Variants in MBD5 observed in about 807,000 individuals in gnomAD.
MBD5 encodes the protein methyl-CpG binding domain protein 5.
Under a neutral mutation model 117.3 loss-of-function variants are expected in MBD5, and 13 were observed. The observed-to-expected ratio is 0.11, with a 90% CI of 0.07 to 0.18. MBD5 has a LOEUF of 0.18. MBD5 is among the 10% of genes least tolerant of loss of function. The probability of loss-of-function intolerance (pLI) is 1.00; values close to 1 mark genes in which losing one functional copy is unlikely to be tolerated. For synonymous variants in MBD5, 727 were observed against 766.4 expected (o/e 0.95, Z 0.85); for missense variants, 1,879 against 2,093.8 (o/e 0.90, Z 2.00).
chr2:148,283,686 T>C (rs545869529), intron 3 of MBD5, among the ~76,000 whole-genome samples: 2 of 152,252 alleles, frequency 1.3e-5, no homozygotes, highest in East Asian at 3.9e-4. Context: ...CCCAATACAG[T>C]TTTCTCCTCC....
intron 4 of MBD5, among the ~76,000 whole-genome samples, chr2:148,379,038 T>G (rs936536283): frequency 6.6e-6 from 1 of 152,152 alleles, no homozygotes; most frequent in African/African-American, 2.4e-5. Context: ...TGTGAAATTC[T>G]GAGACTAGTA....
intron 2 of MBD5, among the ~76,000 whole-genome samples, chr2:148,216,177 A>G (rs1467735193): frequency 1.3e-5 from 2 of 152,190 alleles, no homozygotes; most frequent in Non-Finnish European, 2.9e-5. Context: ...AGTGGAGCCA[A>G]TGATAGAAAT....
At chr2:148,288,667 C>T (rs1701425454) in intron 3 of MBD5, among the ~76,000 whole-genome samples, 1 of 151,612 alleles carries the variant, frequency 6.6e-6, no homozygotes, top group Admixed American at 6.6e-5. Context: ...GAACCATAGG[C>T]GCAATTAACT....
chr2:148,340,837 TACACACAC>T (rs141965837), intron 3 of MBD5, among the ~76,000 whole-genome samples: 153 of 142,554 alleles, frequency 1.1e-3, no homozygotes, highest in South Asian at 2.3e-3. Context: ...AAACCACACA[TACACACAC>T]ACACACACAC....
chr2:148,229,597 A>G (rs958455284), intron 2 of MBD5, among the ~76,000 whole-genome samples: 2 of 152,156 alleles, frequency 1.3e-5, no homozygotes, highest in African/African-American at 4.8e-5. Flanking sequence ...GGTATTTATT[A>G]TAGTCTTCAC....
intron 4 of MBD5, among the ~76,000 whole-genome samples, chr2:148,445,933 C>A (rs1162872652): frequency 6.6e-6 from 1 of 151,084 alleles, no homozygotes; most frequent in East Asian, 1.9e-4. Context: ...TAAATGTGTT[C>A]TTTTGAGAAG....
At chr2:148,328,839 T>G (rs1432478961) in intron 3 of MBD5, among the ~76,000 whole-genome samples, 1 of 152,228 alleles carries the variant, frequency 6.6e-6, no homozygotes, top group Non-Finnish European at 1.5e-5. Context: ...ACCGGAGCTG[T>G]TCCTATTCGG....
At chr2:148,486,905 T>C (rs751148337) in intron 10 of MBD5, among the ~76,000 whole-genome samples, 2 of 152,362 alleles carry the variant, frequency 1.3e-5, no homozygotes, top group East Asian at 3.9e-4. Context: ...ATTTTTTAAA[T>C]ATCTTTTGAC....
rs543565853 is a variant in MBD5 at position 148,195,622 on chromosome 2, A to G, written c.-831+16829A>G. Among the ~76,000 whole-genome samples, 3 of 152,308 alleles carry G rather than the reference A, an allele frequency of 2.0e-5. No homozygotes were observed. In the South Asian group the frequency reaches 6.2e-4, roughly 32 times the overall value. Reference sequence around the variant, plus strand: ...ACACATTTTTTTCACTGTGTATAGAACATTAATCATGATAGAACATATGCT... The same window carrying G: ...ACACATTTTTTTCACTGTGTATAGAGCATTAATCATGATAGAACATATGCT... On this transcript the variant is annotated intron_variant, in intron 2 of 13. Transcript: ENST00000642680.
chr2:148,140,860 G>A (rs1010836795), intron 1 of MBD5, among the ~76,000 whole-genome samples: 8 of 151,984 alleles, frequency 5.3e-5, no homozygotes, highest in East Asian at 3.9e-4. Flanking sequence ...CTGCCTCCTG[G>A]GCTCAAGCAA....
intron 1 of MBD5, among the ~76,000 whole-genome samples, chr2:148,142,999 GA>G (rs1488337342): frequency 1.1e-4 from 17 of 152,220 alleles, no homozygotes; most frequent in African/African-American, 4.1e-4. Context: ...CCAAAATTAT[GA>G]CATTACTTTG....
At chr2:148,281,697 A>G (rs1054338445) in intron 3 of MBD5, among the ~76,000 whole-genome samples, 3 of 151,638 alleles carry the variant, frequency 2.0e-5, no homozygotes, top group Non-Finnish European at 2.9e-5. Flanking sequence ...CTCTATCTCT[A>G]TCTCCTTTTG....
At chr2:148,215,289 A>G (rs1475952825) in intron 2 of MBD5, among the ~76,000 whole-genome samples, 1 of 152,228 alleles carries the variant, frequency 6.6e-6, no homozygotes, top group African/African-American at 2.4e-5. Context: ...AATATATTTG[A>G]GCACTTCTGA....
Position 148,513,919 on chromosome 2 carries a change from A to G in MBD5, c.*978A>G, listed in dbSNP as rs1682286526. 1 of 152,184 alleles carries G rather than the reference A, an allele frequency of 6.6e-6. No individual in the cohort carries two copies. Among genetic ancestry groups the G allele is most frequent in the Non-Finnish European group, 1.5e-5 (1 of 68,022 alleles). 9.4% of individuals were successfully genotyped at this position (152,184 alleles called of 1,614,324 possible). On this transcript the variant is annotated 3_prime_UTR_variant, in exon 14 of 14. Transcript: ENST00000642680. ...ACAAGGTAAAACTTTCTATTTCCGT[A>G]CATGGAGGCAAAAACCCCACTTTGC...
intron 5 of MBD5, among the ~76,000 whole-genome samples, chr2:148,459,437 A>G (rs1337233746): frequency 6.6e-6 from 1 of 152,174 alleles, no homozygotes; most frequent in African/African-American, 2.4e-5. Context: ...ACTCTTTTCA[A>G]TGTCAATGCT....
In MBD5 at chr2:148,173,710, ACTCTGT is replaced by A. The variant is rs374234397; in HGVS notation, c.-924-4986_-924-4981del. 9.6e-3 allele frequency among the ~76,000 whole-genome samples: 1,463 copies of A among 152,254 alleles called. 19 individuals are homozygous for A. The highest frequency in any genetic ancestry group is 0.034 in the African/African-American group (1,400 of 41,528). ...ACTCCAGCTTAGGTGACAAAGCAAG[ACTCTGT>A]CTCATAAATAAATAAATAAATCTAA... is the stretch of plus-strand genomic sequence containing the variant. On this transcript the variant is annotated intron_variant, in intron 1 of 13. Transcript: ENST00000642680.
At chr2:148,400,336 G>A (rs957084450) in intron 4 of MBD5, among the ~76,000 whole-genome samples, 1 of 152,024 alleles carries the variant, frequency 6.6e-6, no homozygotes, top group African/African-American at 2.4e-5. Flanking sequence ...CTAAGACAGA[G>A]CAGGAATGTT....
chr2:148,029,733 T>TA (rs1354724468), intron 1 of MBD5, among the ~76,000 whole-genome samples: 1 of 152,206 alleles, frequency 6.6e-6, no homozygotes, highest in Non-Finnish European at 1.5e-5. Context: ...TTTGCTATGT[T>TA]ACATTGGTTT....
intron 3 of MBD5, among the ~76,000 whole-genome samples, chr2:148,309,793 T>A (rs556562966): frequency 2.6e-4 from 39 of 152,310 alleles, no homozygotes; most frequent in African/African-American, 9.1e-4. Flanking sequence ...TGGCTGTAGG[T>A]TTGTCATAAA....
Sources: allele counts gnomAD v4.1 joint callset (sites outside exome capture counted in the v4.1 genomes callset), GRCh38; gene constraint gnomAD v4.1.1; transcripts MANE v1.5; gene names NCBI Gene and HGNC (gene_info 2026-07-23, HGNC 2026-07-21).